The following CPLX2 variants were observed in gnomAD, a reference collection of about 807,000 sequenced individuals.
The protein encoded by CPLX2 is complexin 2.
A neutral mutation model predicts 16.3 loss-of-function variants in CPLX2; 5 were observed. The observed-to-expected ratio is 0.31, with a 90% CI of 0.16 to 0.64. CPLX2 has a LOEUF of 0.64. CPLX2 is among the 30% of genes least tolerant of loss of function. The pLI is 0.79. For missense variants in CPLX2, 144 were observed against 181.4 expected, an observed-to-expected ratio of 0.79 and a Z score of 1.18; for synonymous variants, 89 against 73.2, an observed-to-expected ratio of 1.22 and a Z score of -1.10.
chr5:175,867,068 C>T (rs553876946), upstream of CPLX2, among the ~76,000 whole-genome samples: 1 of 152,086 alleles, frequency 6.6e-6, no homozygotes, highest in African/African-American at 2.4e-5. Flanking sequence ...GAGCAAGACC[C>T]TGTATCTAAA....
chr5:175,811,243 T>C (rs1758306798), intron 2 of CPLX2, among the ~76,000 whole-genome samples: 1 of 152,220 alleles, frequency 6.6e-6, no homozygotes. Context: ...AACAAAGTCA[T>C]ACTACCCAGG....
chr5:175,836,998 C>T (rs1758851451), intron 2 of CPLX2, among the ~76,000 whole-genome samples: 1 of 152,340 alleles, frequency 6.6e-6, no homozygotes, highest in South Asian at 2.1e-4. Flanking sequence ...CTCAAGAAAA[C>T]CTCTCTAGAA....
rs1755495453 is a variant in CPLX2, at chr5:175,879,068, G to GCAGATCCGAGATAAGGT, written c.196_207+5dup. ...AGGCGGAGCGGGAGAAGGTCCGGCA[G>GCAGATCCGAGATAAGGT]CAGATCCGAGATAAGGTCAGCTCCG... is the stretch of plus-strand genomic sequence containing the variant. On this transcript the variant is annotated frameshift_variant, in exon 3 of 4. Coordinates refer to ENST00000393745, the MANE Select transcript of CPLX2 (RefSeq NM_001008220.2). LOFTEE classifies it high-confidence loss of function. 2 of 1,576,370 alleles carry GCAGATCCGAGATAAGGT rather than the reference G, an allele frequency of 1.3e-6. No homozygotes were observed. Among genetic ancestry groups the GCAGATCCGAGATAAGGT allele is most frequent in the Admixed American group, 1.8e-5 (1 of 55,104 alleles).
chr5:175,859,979 A>G (rs1759331166), intron 2 of CPLX2, among the ~76,000 whole-genome samples: 1 of 152,230 alleles, frequency 6.6e-6, no homozygotes, highest in South Asian at 2.1e-4. Flanking sequence ...TGAAGTAAAA[A>G]GGCAGCATTT....
In CPLX2 at chr5:175,859,732, CCTCT is replaced by C. The variant is rs1245881972; in HGVS notation, c.-88-18917_-88-18914del. Among the ~76,000 whole-genome samples, 3 of 152,206 alleles carry C rather than the reference CCTCT, an allele frequency of 2.0e-5. No individual in the cohort carries two copies. In the East Asian group the frequency reaches 5.8e-4, roughly 29 times the overall value. On this transcript the variant is annotated intron_variant, in intron 2 of 4. Transcript: ENST00000359546. Reference sequence around the variant, plus strand: ...AAGCAAGCACCACCATTGTGAATTCCCTCTCTTTCAGTCAACGTGACCATGGGGA... The same window carrying C: ...AAGCAAGCACCACCATTGTGAATTCCCTTTCAGTCAACGTGACCATGGGGA...
chr5:175,834,829 G>C (rs998369685), intron 2 of CPLX2, among the ~76,000 whole-genome samples: 1 of 152,176 alleles, frequency 6.6e-6, no homozygotes, highest in African/African-American at 2.4e-5. Context: ...AGCTGAGATC[G>C]CACCACTGCA....
intron 2 of CPLX2, among the ~76,000 whole-genome samples, chr5:175,847,573 C>A (rs17830211): frequency 0.018 from 2,729 of 152,340 alleles, 34 homozygotes; most frequent in Non-Finnish European, 0.028. Context: ...ACTCCAGGAA[C>A]CTTGCCTGAG....
chr5:175,856,690 TAC>T (rs1561785015), intron 2 of CPLX2, among the ~76,000 whole-genome samples: 1 of 152,122 alleles, frequency 6.6e-6, no homozygotes, highest in African/African-American at 2.4e-5. Context: ...TTTCCTCATC[TAC>T]AGACAGAGAT....
intron 2 of CPLX2, among the ~76,000 whole-genome samples, chr5:175,842,943 C>G (rs572152208): frequency 6.6e-6 from 1 of 152,184 alleles, no homozygotes; most frequent in African/African-American, 2.4e-5. Context: ...TAGGCCCTGG[C>G]GCAACTGTGA....
intron 1 of CPLX2, among the ~76,000 whole-genome samples, chr5:175,797,394 A>AC (rs1758007570): frequency 6.6e-6 from 1 of 152,050 alleles, no homozygotes. Flanking sequence ...AGTGGGCAAG[A>AC]GGTAGAGGGG....
intron 2 of CPLX2, among the ~76,000 whole-genome samples, chr5:175,817,647 C>G (rs1161557102): frequency 6.6e-6 from 1 of 152,170 alleles, no homozygotes; most frequent in South Asian, 2.1e-4. Context: ...TCTGATGTCC[C>G]TAGGGACTAG....
chr5:175,843,431 C>A (rs1186983438), intron 2 of CPLX2, among the ~76,000 whole-genome samples: 1 of 152,032 alleles, frequency 6.6e-6, no homozygotes, highest in Non-Finnish European at 1.5e-5. Context: ...CACGCATACA[C>A]CAGGCACACA....
chr5:175,868,186 C>A (rs1429762169), upstream of CPLX2, among the ~76,000 whole-genome samples: 4 of 152,196 alleles, frequency 2.6e-5, no homozygotes, highest in Non-Finnish European at 5.9e-5. Context: ...ATTTCCTAGA[C>A]ACCCCCTCAC....
At chr5:175,842,009 C>A (rs1758952996) in intron 2 of CPLX2, among the ~76,000 whole-genome samples, 1 of 152,242 alleles carries the variant, frequency 6.6e-6, no homozygotes, top group East Asian at 1.9e-4. Context: ...CAATCAGCCA[C>A]AAGCATTCCT....
chr5:175,879,657 G>A (rs1365779902), intron 3 of CPLX2, 191 bp from the exon 4 acceptor site: 7 of 703,914 alleles, frequency 9.9e-6, no homozygotes, highest in African/African-American at 1.7e-5. Flanking sequence ...GAAACCCCAC[G>A]TATGGTCTCT....
At chr5:175,825,048 G>A (rs1758586257) in intron 2 of CPLX2, among the ~76,000 whole-genome samples, 1 of 152,158 alleles carries the variant, frequency 6.6e-6, no homozygotes, top group Non-Finnish European at 1.5e-5. Context: ...TGGAGGATAA[G>A]AAAACAGGGT....
rs954599627 is a variant in CPLX2 at position 175,881,255 on chromosome 5, T to C, written c.*1210T>C. ...AGGGATTGTGTGTTCAGAGATCATA[T>C]GCATATGTGTAGGGCTGGAGCGTGT... is the stretch of plus-strand genomic sequence containing the variant. On this transcript the variant is annotated 3_prime_UTR_variant, in exon 4 of 4. Transcript: ENST00000393745. The C allele has an allele frequency of 6.5e-6, 1 of 153,384 alleles. No individual in the cohort carries two copies. The highest frequency in any genetic ancestry group is 2.4e-5 in the African/African-American group (1 of 41,430). The allele number at this position is 153,384 out of a possible 1,614,324, so 9.5% of individuals were successfully genotyped here.
At chr5:175,807,811 G>C (rs1206487722) in intron 1 of CPLX2, among the ~76,000 whole-genome samples, 3 of 152,244 alleles carry the variant, frequency 2.0e-5, no homozygotes, top group Admixed American at 2.0e-4. Context: ...CAAAGGAAGA[G>C]GGGAGGGAAG....
chr5:175,841,812 T>G (rs1758949678), intron 2 of CPLX2, among the ~76,000 whole-genome samples: 1 of 152,182 alleles, frequency 6.6e-6, no homozygotes, highest in Non-Finnish European at 1.5e-5. Flanking sequence ...CTTGGACAAG[T>G]CTTCTTTTCT....
Sources: gnomAD v4.1 joint callset for allele counts (sites outside exome capture counted in the v4.1 genomes callset) on GRCh38, gnomAD v4.1.1 for gene constraint, MANE v1.5 for transcripts, NCBI Gene and HGNC (gene_info 2026-07-23, HGNC 2026-07-21) for gene names.